The following DPP6 variants were observed in gnomAD, a reference collection of about 807,000 sequenced individuals.
DPP6 encodes the protein dipeptidyl peptidase like 6.
DPP6 carries 69 observed loss-of-function variants against 122.6 expected under a neutral mutation model. The observed-to-expected ratio is 0.56, with a 90% CI of 0.46 to 0.69. The LOEUF is 0.69. Ranked by LOEUF, DPP6 falls within the 30% of genes least tolerant of loss-of-function variation. DPP6 has a pLI of 0.00. For missense variants in DPP6, 928 were observed against 1,116.9 expected (o/e 0.83, Z 2.41); for synonymous variants, 418 against 433.1 (o/e 0.97, Z 0.43).
the DPP6 span, among the ~76,000 whole-genome samples, chr7:153,856,493 A>T: frequency 6.6e-6 from 1 of 151,638 alleles, no homozygotes; most frequent in African/African-American, 2.4e-5. Flanking sequence ...AATTCATAAT[A>T]TTATGTACAA....
At chr7:154,615,989 T>G (rs1166096860) in intron 5 of DPP6, among the ~76,000 whole-genome samples, 3 of 152,198 alleles carry the variant, frequency 2.0e-5, no homozygotes, top group African/African-American at 7.2e-5. Context: ...TTTCTGCATC[T>G]GGTGTATTGC....
intron 1 of DPP6, among the ~76,000 whole-genome samples, chr7:154,404,601 C>A (rs13227108): frequency 2.0e-5 from 3 of 152,142 alleles, no homozygotes; most frequent in Non-Finnish European, 4.4e-5. Flanking sequence ...ATGACCAGGT[C>A]GACCAGAAAC....
intron 21 of DPP6, chr7:154,883,859 G>T (rs993967712): frequency 1.6e-5 from 1 of 62,664 alleles, no homozygotes; most frequent in Admixed American, 1.5e-4. Flanking sequence ...ATGCTCACAT[G>T]ATTACACATG....
At chr7:153,749,237 C>T in the DPP6 span, among the ~76,000 whole-genome samples, 28 of 152,158 alleles carry the variant, frequency 1.8e-4, no homozygotes, top group African/African-American at 6.5e-4. This position sits in a 1 kb window ranked among gnomAD's most constrained non-coding sequence, Gnocchi z 4.1. Flanking sequence ...GGGCTCTGCC[C>T]GTGCATCCGC....
intron 1 of DPP6, among the ~76,000 whole-genome samples, chr7:154,056,900 T>A (rs1346661322): frequency 6.6e-6 from 1 of 152,258 alleles, no homozygotes; most frequent in Non-Finnish European, 1.5e-5. Context: ...TAAAATTTTT[T>A]AAGTTTCACA....
At chr7:154,082,783 G>A (rs989267954) in intron 1 of DPP6, among the ~76,000 whole-genome samples, 2 of 151,608 alleles carry the variant, frequency 1.3e-5, no homozygotes, top group African/African-American at 4.8e-5. Flanking sequence ...CACAAACCTT[G>A]AGGAGTATTA....
At chr7:153,910,498 T>A (rs1291522343) in intron 1 of DPP6, among the ~76,000 whole-genome samples, 3 of 152,120 alleles carry the variant, frequency 2.0e-5, no homozygotes, top group African/African-American at 7.2e-5. Flanking sequence ...GGCTCAAGCA[T>A]CATTCTTCTG....
intron 1 of DPP6, among the ~76,000 whole-genome samples, chr7:154,390,788 C>T (rs1039347732): frequency 4.6e-5 from 7 of 152,084 alleles, no homozygotes; most frequent in Admixed American, 1.3e-4. Context: ...TTCATGACCC[C>T]CATCCTGTAT....
intron 1 of DPP6, among the ~76,000 whole-genome samples, chr7:153,937,568 C>G (rs1314174811): frequency 2.6e-5 from 4 of 151,916 alleles, no homozygotes; most frequent in Non-Finnish European, 4.4e-5. Flanking sequence ...CTTCCTCAGC[C>G]TCCCAAGTAG....
At chr7:154,510,305 G>C (rs1825965964) in intron 3 of DPP6, among the ~76,000 whole-genome samples, 1 of 152,140 alleles carries the variant, frequency 6.6e-6, no homozygotes, top group Non-Finnish European at 1.5e-5. Flanking sequence ...GCTTTCTGAT[G>C]ATCTTGACTT....
At chr7:154,845,700 CT>C (rs1163433142) in intron 16 of DPP6, among the ~76,000 whole-genome samples, 18 of 152,214 alleles carry the variant, frequency 1.2e-4, no homozygotes, top group Non-Finnish European at 2.9e-5. Flanking sequence ...CTCAAAATTT[CT>C]AAAAATTCAA....
intron 2 of DPP6, among the ~76,000 whole-genome samples, chr7:154,460,815 TC>T (rs2151316660): frequency 6.6e-6 from 1 of 152,288 alleles, no homozygotes; most frequent in Non-Finnish European, 1.5e-5. Context: ...AGAGTATCCA[TC>T]CCCTTAAGCA....
At chr7:154,313,791 G>T (rs1249437205) in intron 1 of DPP6, among the ~76,000 whole-genome samples, 2 of 146,210 alleles carry the variant, frequency 1.4e-5, no homozygotes, top group Non-Finnish European at 3.0e-5. Context: ...AATAGCCTGA[G>T]AAAGAAACAT....
intron 7 of DPP6, among the ~76,000 whole-genome samples, chr7:154,686,292 T>C (rs1384532306): frequency 6.6e-6 from 1 of 152,190 alleles, no homozygotes; most frequent in Admixed American, 6.5e-5. Context: ...GAATGACTTC[T>C]CTCAAGACCA....
chr7:154,303,154 G>T lies in DPP6; in HGVS notation c.244-143060G>T, dbSNP rs188543715. Among the ~76,000 whole-genome samples, 567 of 152,290 alleles carry T rather than the reference G, an allele frequency of 3.7e-3. 1 individual carries two copies. The highest frequency in any genetic ancestry group is 5.7e-3 in the Non-Finnish European group (388 of 68,026). On this transcript the variant is annotated intron_variant, in intron 1 of 25. Transcript: ENST00000377770. The stretch of plus-strand genomic sequence containing the variant: ...GCGCCGCCACGCCCAGCTAATTGGG[G>T]TTTTAGGTTTAAGAGGAATCCCAGA...
At chr7:154,224,321 C>G (rs1036843454) in intron 1 of DPP6, among the ~76,000 whole-genome samples, 3 of 148,376 alleles carry the variant, frequency 2.0e-5, no homozygotes, top group African/African-American at 5.2e-5. Flanking sequence ...GACTCTGTCT[C>G]AAAAATATAA....
chr7:153,887,603 C>T (rs1798987080), exon 1 of DPP6: 3 of 1,540,688 alleles, frequency 1.9e-6, no homozygotes, highest in African/African-American at 2.7e-5. Flanking sequence ...TCAGCCAGTC[C>T]AGTCTACTTT....
intron 10 of DPP6, among the ~76,000 whole-genome samples, chr7:154,775,294 G>A (rs2030790): frequency 6.6e-6 from 1 of 152,042 alleles, no homozygotes; most frequent in Non-Finnish European, 1.5e-5. Context: ...GTGGACAGTT[G>A]TGAAAGTTAG....
At chr7:153,829,526 T>G in the DPP6 span, among the ~76,000 whole-genome samples, 29 of 152,306 alleles carry the variant, frequency 1.9e-4, no homozygotes, top group African/African-American at 6.7e-4. Flanking sequence ...TCCTCCTCTT[T>G]TTTGTCTCTC....
Sources: gnomAD v4.1 joint callset for allele counts (sites outside exome capture counted in the v4.1 genomes callset) on GRCh38, gnomAD v4.1.1 for gene constraint, Gnocchi (gnomAD v3.1) non-coding constraint, MANE v1.5 for transcripts, NCBI Gene and HGNC (gene_info 2026-07-23, HGNC 2026-07-21) for gene names.